The following MEGF6 variants were observed in gnomAD, a reference collection of about 807,000 sequenced individuals.
MEGF6 encodes the protein multiple epidermal growth factor-like domains protein 6.
In MEGF6, 184 loss-of-function variants were observed where a neutral mutation model predicts 207.1. The ratio of observed to expected loss-of-function variants is 0.89; its 90% CI spans 0.79 to 1.00. The LOEUF (loss-of-function observed/expected upper bound fraction) is 1.00, where lower values mean the gene tolerates loss of function less well. Among genes scored for constraint, MEGF6 ranks in the 50% least tolerant of loss-of-function variants. MEGF6 has a pLI of 0.00. For missense variants in MEGF6, 2,282 were observed against 2,202.9 expected, an observed-to-expected ratio of 1.04 and a Z score of -0.72; for synonymous variants, 1,038 against 910.0, an observed-to-expected ratio of 1.14 and a Z score of -2.53.
intron 3 of MEGF6, among the ~76,000 whole-genome samples, chr1:3,581,249 G>A (rs1271457987): frequency 6.6e-6 from 1 of 152,114 alleles, no homozygotes; most frequent in African/African-American, 2.4e-5. Flanking sequence ...GGGTCCCTGT[G>A]AATGCTTCTT....
chr1:3,531,148 C>A (rs1041014826), intron 4 of MEGF6: 3 of 1,528,842 alleles, frequency 2.0e-6, no homozygotes. Flanking sequence ...GCAGCCCCTC[C>A]AGAGGTAGCG....
At chr1:3,543,339 T>C (rs939869078) in intron 4 of MEGF6, among the ~76,000 whole-genome samples, 4 of 152,212 alleles carry the variant, frequency 2.6e-5, no homozygotes, top group Non-Finnish European at 2.9e-5. Context: ...GGCCCTTCCC[T>C]GCTCTGAGCA....
chr1:3,511,489 C>G (rs1455754021), intron 9 of MEGF6, 61 bp downstream of exon 9: 5 of 1,541,200 alleles, frequency 3.2e-6, no homozygotes, highest in Non-Finnish European at 4.4e-6. Context: ...TGATCCCAGA[C>G]CCAGGGCAGC....
At chr1:3,516,181 T>C (rs1448836205) in intron 5 of MEGF6, among the ~76,000 whole-genome samples, 2 of 152,220 alleles carry the variant, frequency 1.3e-5, no homozygotes, top group African/African-American at 4.8e-5. Flanking sequence ...TGGGGTCAGG[T>C]TGGCCCAGTG....
Position 3,573,681 on chromosome 1 carries a change from G to T in MEGF6, c.481+6144C>A, listed in dbSNP as rs1268513287. On this transcript the variant is annotated intron_variant, in intron 4 of 36. Coordinates refer to ENST00000356575, the MANE Select transcript of MEGF6 (RefSeq NM_001409.4). The surrounding 1 kb of genome is among the most constrained non-coding windows in gnomAD (Gnocchi z 5.1). ...CCTGCCCCAGAGCCCGCCCTTCCAG[G>T]AGCCCCGTCCTCCCCTCCCACCACT... Among the ~76,000 whole-genome samples the T allele has an allele frequency of 6.6e-6, 1 of 152,268 alleles. No homozygotes were observed. Among genetic ancestry groups the T allele is most frequent in the African/African-American group, 2.4e-5 (1 of 41,560 alleles).
chr1:3,495,418 C>T (rs990160147), intron 30 of MEGF6, among the ~76,000 whole-genome samples: 4 of 152,182 alleles, frequency 2.6e-5, no homozygotes, highest in Non-Finnish European at 5.9e-5. Flanking sequence ...GGAGCCACTA[C>T]GCCTGTCCCC....
At position 3,491,776 on chromosome 1, in the gene MEGF6, G is replaced by C. The variant is rs1175770352; in HGVS notation, c.4517-817C>G. ...GCTGGGGGGTACACGGTGCGGGGGT[G>C]GGGGGGGGGGTGCGGGCAGCAAAGT... On this transcript the variant is annotated intron_variant, in intron 35 of 36. Transcript: ENST00000356575. Among the ~76,000 whole-genome samples, 15 of 78,266 alleles carry C rather than the reference G, an allele frequency of 1.9e-4. No homozygotes were observed. In the African/African-American group the frequency reaches 2.2e-3, roughly 11 times the overall value. The allele number at this position is 78,266 out of a possible 152,430, so 51.3% of individuals were successfully genotyped here. A position where few individuals can be genotyped will look rare whatever the true frequency, so the allele number is the denominator to read the frequency against.
intron 4 of MEGF6, among the ~76,000 whole-genome samples, chr1:3,552,104 A>G (rs1642906992): frequency 6.6e-6 from 1 of 152,132 alleles, no homozygotes. Flanking sequence ...TTCTCACCCA[A>G]CCCTCAGGAC....
At chr1:3,555,116 C>T (rs371826838) in intron 4 of MEGF6, among the ~76,000 whole-genome samples, 8 of 152,234 alleles carry the variant, frequency 5.3e-5, no homozygotes, top group South Asian at 2.1e-4. Context: ...CAACACCCCA[C>T]GCACGGGGCC....
intron 14 of MEGF6, among the ~76,000 whole-genome samples, chr1:3,506,799 A>G (rs953167327): frequency 6.6e-6 from 1 of 152,180 alleles, no homozygotes; most frequent in Admixed American, 6.5e-5. Context: ...GAGACTAGGC[A>G]CAGTTGCATT....
At chr1:3,511,720 T>C (rs1301284092) in intron 8 of MEGF6, 33 bp from the exon 9 acceptor site, 1 of 1,587,462 alleles carries the variant, frequency 6.3e-7, no homozygotes, top group South Asian at 1.1e-5. Context: ...GGGTATGGGA[T>C]GGCGGCTAGG....
rs765034831 is a variant in MEGF6 at position 3,579,884 on chromosome 1, G to C, written c.422C>G (p.Pro141Arg). 3 of 1,538,800 alleles carry C rather than the reference G, an allele frequency of 1.9e-6. No homozygotes were observed. In the African/African-American group the frequency reaches 4.3e-5, roughly 22 times the overall value. ...SLCFHGGRCV[P>R]GSAQPCHCPP... ...ACAGTGACACGGCTGGGCTGAGCCTGGCACACAACGGCCACCGTGAAAACA... is the reference window on the plus strand; with the variant it reads ...ACAGTGACACGGCTGGGCTGAGCCTCGCACACAACGGCCACCGTGAAAACA... The change falls in exon 4 of 37, where the codon CCA (proline) becomes CGA (arginine). Residue 141 changes from proline (P) to arginine (R), a missense_variant. Physicochemically the swap from Pro to Arg is moderately radical, Grantham distance 103. Coordinates refer to ENST00000356575, the MANE Select transcript of MEGF6 (RefSeq NM_001409.4).
rs914527921 is a variant in MEGF6, at chr1:3,573,596, C to T, written c.481+6229G>A. Among the ~76,000 whole-genome samples, 1 of 152,120 alleles carries T rather than the reference C, an allele frequency of 6.6e-6. No homozygotes were observed. Among genetic ancestry groups the T allele is most frequent in the Non-Finnish European group, 1.5e-5 (1 of 68,000 alleles). ...GGCAGGGAGCAGGACCAGAGACAGCCCCAGCTCCAGCTCCAGCCAGGGAGT... is the reference window on the plus strand; with the variant it reads ...GGCAGGGAGCAGGACCAGAGACAGCTCCAGCTCCAGCTCCAGCCAGGGAGT... On this transcript the variant is annotated intron_variant, in intron 4 of 36. Transcript: ENST00000356575. This position sits in a 1 kb window ranked among gnomAD's most constrained non-coding sequence, Gnocchi z 5.1.
rs1449108182 is a variant in MEGF6 at position 3,500,744 on chromosome 1, C to T, written c.2596G>A (p.Gly866Arg). Residue 866 changes from glycine (G) to arginine (R), a missense_variant, in exon 21 of 37, where the codon GGA becomes AGA. Physicochemically the swap from Gly to Arg is moderately radical, Grantham distance 125. Transcript: ENST00000356575. ...CQRACDTGHW[G>R]PDCSHPCNCS... ...TTGCAGGGGTGGCTGCAGTCAGGTC[C>T]CCAGTGCCCAGTATCACAGGCTGCA... The T allele has an allele frequency of 6.2e-7, 1 of 1,603,686 alleles. No homozygotes were observed. Among genetic ancestry groups the T allele is most frequent in the Non-Finnish European group, 8.5e-7 (1 of 1,175,802 alleles).
chr1:3,495,842 C>T, intron 30 of MEGF6, 48 bp downstream of exon 30: 1 of 1,582,016 alleles, frequency 6.3e-7, no homozygotes, highest in Non-Finnish European at 8.5e-7. Flanking sequence ...AATCCAGTGA[C>T]ATCTCTGTGA....
At chr1:3,601,530 G>T (rs1362561444) in intron 2 of MEGF6, among the ~76,000 whole-genome samples, 1 of 152,170 alleles carries the variant, frequency 6.6e-6, no homozygotes, top group Non-Finnish European at 1.5e-5. Context: ...CTGGTACTGG[G>T]CCGGGTCGTC....
chr1:3,505,206 A>G lies in MEGF6; in HGVS notation c.2188+2T>C. The G allele has an allele frequency of 6.2e-6, 10 of 1,611,244 alleles. No homozygotes were observed. The highest frequency in any genetic ancestry group is 8.5e-6 in the Non-Finnish European group (10 of 1,179,664). ...CGGGAGCCCCAGGGGCCGGCCACTCACCTTGGCCACAGTCCTCTCCCTGGA... is the reference window on the plus strand; with the variant it reads ...CGGGAGCCCCAGGGGCCGGCCACTCGCCTTGGCCACAGTCCTCTCCCTGGA... On this transcript the variant is annotated splice_donor_variant, in intron 17 of 36. Coordinates refer to ENST00000356575, the MANE Select transcript of MEGF6 (RefSeq NM_001409.4). LOFTEE classifies it high-confidence loss of function.
At chr1:3,499,740 G>A (rs1211234377) in intron 22 of MEGF6, 24 bp from the exon 23 acceptor site, 1 of 1,599,254 alleles carries the variant, frequency 6.3e-7, no homozygotes, top group Non-Finnish European at 8.5e-7. Context: ...GCAGTGATGT[G>A]GAGGGGCCCA....
intron 3 of MEGF6, among the ~76,000 whole-genome samples, chr1:3,581,761 C>T (rs1213880352): frequency 1.3e-5 from 2 of 152,172 alleles, no homozygotes; most frequent in Non-Finnish European, 2.9e-5. Context: ...GGACGGAAGG[C>T]AGGACCTGCC....
Sources: allele counts gnomAD v4.1 joint callset (sites outside exome capture counted in the v4.1 genomes callset), GRCh38; gene constraint gnomAD v4.1.1; non-coding constraint Gnocchi (gnomAD v3.1); transcripts MANE v1.5; gene names NCBI Gene and HGNC (gene_info 2026-07-23, HGNC 2026-07-21).